ADAMTS13: variants seen among roughly 807,000 people sequenced by gnomAD.
ADAMTS13 encodes the protein ADAM metallopeptidase with thrombospondin type 1 motif 13, also known as A disintegrin and metalloproteinase with thrombospondin motifs 13.
Under a neutral mutation model 155.1 loss-of-function variants are expected in ADAMTS13, and 110 were observed. The ratio of observed to expected loss-of-function variants is 0.71; its 90% CI spans 0.61 to 0.83. ADAMTS13 has a LOEUF of 0.83. Ranked by LOEUF, ADAMTS13 falls within the 40% of genes least tolerant of loss-of-function variation. ADAMTS13 has a pLI of 0.00. For synonymous variants in ADAMTS13, 758 were observed against 756.4 expected (o/e 1.00, Z -0.03); for missense variants, 1,707 against 1,891.7 (o/e 0.90, Z 1.81).
At chr9:133,414,784 T>C in intron 1 of ADAMTS13, 5 of 1,614,186 alleles carry the variant, frequency 3.1e-6, no homozygotes, top group Non-Finnish European at 4.2e-6. Context: ...TGTGCTCTGT[T>C]CCACTGGCCT....
Position 133,428,539 on chromosome 9 carries a change from G to T in ADAMTS13, c.687-95G>T, listed in dbSNP as rs587699604. The stretch of plus-strand genomic sequence containing the variant: ...AACTCGCTGGCGCTGCGGCACTAGG[G>T]CGCCGGGCCGCTGACTCGCCGACCC... On this transcript the variant is annotated intron_variant, in intron 6 of 28. Transcript: ENST00000355699. The T allele has an allele frequency of 1.8e-4, 128 of 697,892 alleles. 1 individual carries two copies. The African/African-American group carries it at 2.3e-3, about 12-fold the overall frequency. The allele number at this position is 697,892 out of a possible 1,614,324, so 43.2% of individuals were successfully genotyped here. A position where few individuals can be genotyped will look rare whatever the true frequency, so the allele number is the denominator to read the frequency against.
At position 133,459,356 on chromosome 9, in the gene ADAMTS13, C is replaced by T. The variant is rs968068865; in HGVS notation, c.*176C>T. Reference sequence around the variant, plus strand: ...TCTGGAAAAGCAGCCCCCATTTCCTCGGGTACCAATAAATAAAACATGCAG... The same window carrying T: ...TCTGGAAAAGCAGCCCCCATTTCCTTGGGTACCAATAAATAAAACATGCAG... On this transcript the variant is annotated 3_prime_UTR_variant, in exon 29 of 29. Coordinates refer to ENST00000355699, the MANE Select transcript of ADAMTS13 (RefSeq NM_139027.6). 12 of 732,494 alleles carry T rather than the reference C, an allele frequency of 1.6e-5. No homozygotes were observed. In the East Asian group the frequency reaches 3.2e-4, roughly 20 times the overall value. 45.4% of individuals were successfully genotyped at this position (732,494 alleles called of 1,614,324 possible).
rs1342855145 is a variant in ADAMTS13, at chr9:133,438,002, C to T, written c.1584+105C>T. 3.2e-6 allele frequency: 5 copies of T among 1,577,550 alleles called. 1 individual carries two copies. The highest frequency in any genetic ancestry group is 4.3e-6 in the Non-Finnish European group (5 of 1,156,892). ...GCTGGCCCTGATGGAGCTGCAGTGC[C>T]CTCTGCAGGGGAGTGGTGCTGGGGA... On this transcript the variant is annotated intron_variant, in intron 13 of 28. Coordinates refer to ENST00000355699, the MANE Select transcript of ADAMTS13 (RefSeq NM_139027.6).
chr9:133,417,543 T>C, upstream of ADAMTS13: 2 of 1,466,398 alleles, frequency 1.4e-6, no homozygotes, highest in Non-Finnish European at 1.9e-6. Flanking sequence ...CTTTTGGGGC[T>C]ACCCAAGTCT....
intron 6 of ADAMTS13, among the ~76,000 whole-genome samples, chr9:133,427,548 T>C (rs1470282325): frequency 6.6e-6 from 1 of 152,044 alleles, no homozygotes; most frequent in Non-Finnish European, 1.5e-5. Context: ...AGAGGGAGCA[T>C]AGTTCCCTTC....
In ADAMTS13 at chr9:133,436,891, G is replaced by A. The variant is rs781802178; in HGVS notation, c.1371G>A (p.Pro457=). The A allele has an allele frequency of 8.8e-6, 14 of 1,587,102 alleles. No homozygotes were observed. Among genetic ancestry groups the A allele is most frequent in the Admixed American group, 3.6e-5 (2 of 55,888 alleles). The change falls in exon 12 of 29, where the codon CCG becomes CCA. Residue 457 remains proline, a synonymous_variant. Coordinates refer to ENST00000355699, the MANE Select transcript of ADAMTS13 (RefSeq NM_139027.6). The stretch of plus-strand genomic sequence containing the variant: ...AGTGCGCCAGGACCGACGGCCAGCC[G>A]CTGCGCTCCTCCCCTGGCGGCGCCT... ...SQQCARTDGQ[P]LRSSPGGASF...
Position 133,422,382 on chromosome 9 carries a change from G to A in ADAMTS13, c.-62G>A. 6.8e-7 allele frequency: 1 copy of A among 1,471,084 alleles called. No homozygotes were observed. Among genetic ancestry groups the A allele is most frequent in the Non-Finnish European group, 9.5e-7 (1 of 1,056,744 alleles). The allele number at this position is 1,471,084 out of a possible 1,614,324, so 91.1% of individuals were successfully genotyped here. A position where few individuals can be genotyped will look rare whatever the true frequency, so the allele number is the denominator to read the frequency against. On this transcript the variant is annotated 5_prime_UTR_variant, in exon 1 of 29. Transcript: ENST00000355699. ...GGCCTGTCCCATTCCATACTGACCA[G>A]ATTCCCAGTCACCAAGGCCCCCTCT...
In ADAMTS13 at chr9:133,445,086, G is replaced by A. The variant is rs782616752; in HGVS notation, c.2610+34G>A. On this transcript the variant is annotated intron_variant, in intron 20 of 28. Coordinates refer to ENST00000355699, the MANE Select transcript of ADAMTS13 (RefSeq NM_139027.6). This position sits in a 1 kb window ranked among gnomAD's most constrained non-coding sequence, Gnocchi z 5.0. ...CCTGGGCATGAGGGTGGCTGGGGCTGTTGAGTCCTTTACCTGGCTGGGAGA... is the reference window on the plus strand; with the variant it reads ...CCTGGGCATGAGGGTGGCTGGGGCTATTGAGTCCTTTACCTGGCTGGGAGA... 2 of 1,603,320 alleles carry A rather than the reference G, an allele frequency of 1.2e-6. No individual in the cohort carries two copies. The highest frequency in any genetic ancestry group is 1.3e-5 in the African/African-American group (1 of 74,794).
chr9:133,434,528 A>G (rs1841034317), intron 11 of ADAMTS13, among the ~76,000 whole-genome samples: 1 of 152,030 alleles, frequency 6.6e-6, no homozygotes, highest in Admixed American at 6.6e-5. Context: ...GATGGCCTTG[A>G]TCTCCTGACC....
At chr9:133,438,408 C>T in intron 14 of ADAMTS13, 42 bp downstream of exon 14, 3 of 1,610,454 alleles carry the variant, frequency 1.9e-6, no homozygotes, top group Non-Finnish European at 2.5e-6. Context: ...CTTCCCCCAG[C>T]CTCCAAGATG....
upstream of ADAMTS13, among the ~76,000 whole-genome samples, chr9:133,419,732 G>A (rs906550913): frequency 6.6e-6 from 1 of 152,074 alleles, no homozygotes; most frequent in Non-Finnish European, 1.5e-5. Flanking sequence ...CACCGAAAAG[G>A]GTTTTCTTTT....
At chr9:133,442,893 C>A in intron 18 of ADAMTS13, 150 bp downstream of exon 18, 1 of 1,309,560 alleles carries the variant, frequency 7.6e-7, no homozygotes, top group Non-Finnish European at 1.0e-6. Flanking sequence ...CACAGCCCTG[C>A]AAGGGGGGCT....
At chr9:133,421,416 C>T (rs1329733497), upstream of ADAMTS13, among the ~76,000 whole-genome samples, 1 of 152,228 alleles carries the variant, frequency 6.6e-6, no homozygotes, top group Non-Finnish European at 1.5e-5. Context: ...TCCAGTCCCC[C>T]ATTCCTTTAT....
At position 133,425,411 on chromosome 9, in the gene ADAMTS13, A is replaced by G; in HGVS notation, c.331-118A>G. 2 of 812,222 alleles carry G rather than the reference A, an allele frequency of 2.5e-6. No individual in the cohort carries two copies. The highest frequency in any genetic ancestry group is 4.0e-6 in the Non-Finnish European group (2 of 502,126). 50.3% of individuals were successfully genotyped at this position (812,222 alleles called of 1,614,324 possible). The stretch of plus-strand genomic sequence containing the variant: ...CCCCCGCCCCGCCCGGTTCCCACAC[A>G]TGCTGGTGGAGTAGCCTCTCCAGCT... On this transcript the variant is annotated intron_variant, in intron 3 of 28. Coordinates refer to ENST00000355699, the MANE Select transcript of ADAMTS13 (RefSeq NM_139027.6). The surrounding 1 kb of genome is among the most constrained non-coding windows in gnomAD (Gnocchi z 4.6).
chr9:133,450,674 G>C (rs935298681), intron 23 of ADAMTS13, among the ~76,000 whole-genome samples: 1 of 152,126 alleles, frequency 6.6e-6, no homozygotes, highest in African/African-American at 2.4e-5. Flanking sequence ...GCTTGAACCC[G>C]GGAGGCGGAG....
chr9:133,426,787 T>G (rs1301611598), intron 6 of ADAMTS13, among the ~76,000 whole-genome samples: 1 of 150,746 alleles, frequency 6.6e-6, no homozygotes, highest in Non-Finnish European at 1.5e-5. Context: ...TGTTACCTGC[T>G]ATTTCTTTTT....
rs372658641 is a variant in ADAMTS13 at position 133,433,631 on chromosome 9, G to C, written c.1245-10G>C. ...GCTCTCTCACCCTCCTGTCTGCTGG[G>C]CATTTTCAGACCTGCCTTTGGGGGG... On this transcript the variant is annotated splice_polypyrimidine_tract_variant and intron_variant, in intron 10 of 28. Coordinates refer to ENST00000355699, the MANE Select transcript of ADAMTS13 (RefSeq NM_139027.6). 1.2e-6 allele frequency: 2 copies of C among 1,613,834 alleles called. No individual in the cohort carries two copies. The highest frequency in any genetic ancestry group is 2.7e-5 in the African/African-American group (2 of 74,884).
At position 133,443,419 on chromosome 9, in the gene ADAMTS13, G is replaced by A. The variant is rs782729939; in HGVS notation, c.2278G>A (p.Gly760Ser). The change falls in exon 19 of 29, where the codon GGT becomes AGT. Residue 760 changes from glycine to serine, a missense_variant. This residue lies in a region of ADAMTS13 where 961 missense variants were observed against 1,107.9 expected (regional missense o/e 0.87). Coordinates refer to ENST00000355699, the MANE Select transcript of ADAMTS13 (RefSeq NM_139027.6). ...CGGCCCATGCAGCGCCTCCTGTGGG[G>A]GTGGCCTGCGGGAGCGGCCAGTGCG... ...DFGPCSASCGGGLRERPVRCV... is the reference protein window; with the variant it reads ...DFGPCSASCGSGLRERPVRCV... 1.9e-5 allele frequency: 31 copies of A among 1,598,700 alleles called. No individual in the cohort carries two copies. Among genetic ancestry groups the A allele is most frequent in the Non-Finnish European group, 2.5e-5 (29 of 1,177,562 alleles).
intron 7 of ADAMTS13, chr9:133,429,617 C>T (rs1840579910): frequency 6.2e-6 from 3 of 483,452 alleles, no homozygotes; most frequent in South Asian, 5.4e-5. Context: ...ATCTCCCCCA[C>T]CCGCGTACAT....
Sources: gnomAD v4.1 joint callset for allele counts (sites outside exome capture counted in the v4.1 genomes callset) on GRCh38, gnomAD v4.1.1 for gene constraint, gnomAD v4.1.1 regional missense constraint, Gnocchi (gnomAD v3.1) non-coding constraint, MANE v1.5 for transcripts, NCBI Gene and HGNC (gene_info 2026-07-23, HGNC 2026-07-21) for gene names.